The following CELF4 variants were observed in gnomAD, a reference collection of about 807,000 sequenced individuals.
The protein encoded by CELF4 is CUG-BP- and ETR-3-like factor 4.
In CELF4, 18 loss-of-function variants were observed where a neutral mutation model predicts 59.9. The observed-to-expected ratio is 0.30, with a 90% CI of 0.21 to 0.45. The LOEUF is 0.45. Ranked by LOEUF, CELF4 falls within the 20% of genes least tolerant of loss-of-function variation. CELF4 has a pLI of 1.00. For missense variants in CELF4, 456 were observed against 689.0 expected, an observed-to-expected ratio of 0.66 and a Z score of 3.79; for synonymous variants, 261 against 267.1, an observed-to-expected ratio of 0.98 and a Z score of 0.22.
At chr18:37,264,253 T>A (rs1291404767) in intron 10 of CELF4, among the ~76,000 whole-genome samples, 1 of 152,212 alleles carries the variant, frequency 6.6e-6, no homozygotes, top group Middle Eastern at 3.2e-3. Context: ...TGCTAGGTTC[T>A]GCTTAAGGGA....
At chr18:37,283,396 G>A (rs569709361) in intron 3 of CELF4, among the ~76,000 whole-genome samples, 4 of 152,160 alleles carry the variant, frequency 2.6e-5, no homozygotes, top group Admixed American at 6.5e-5. Context: ...AACAAGCCAA[G>A]TCTGGTAATA....
At chr18:37,403,948 G>A (rs1163619673) in intron 2 of CELF4, among the ~76,000 whole-genome samples, 1 of 152,166 alleles carries the variant, frequency 6.6e-6, no homozygotes, top group Non-Finnish European at 1.5e-5. Flanking sequence ...CAGTGCCCAT[G>A]GCTGGCTTTG....
intron 1 of CELF4, among the ~76,000 whole-genome samples, chr18:37,543,563 G>T (rs917572708): frequency 3.9e-5 from 6 of 152,182 alleles, no homozygotes; most frequent in Non-Finnish European, 8.8e-5. Context: ...GCCCAGCACT[G>T]GGCACAGTGT....
intron 3 of CELF4, among the ~76,000 whole-genome samples, chr18:37,299,825 C>T (rs899952670): frequency 2.0e-5 from 3 of 152,168 alleles, no homozygotes; most frequent in Middle Eastern, 3.2e-3. Flanking sequence ...TTCCCTTCCC[C>T]CTCCAGGGTC....
At chr18:37,364,616 T>C (rs1457700279) in intron 2 of CELF4, among the ~76,000 whole-genome samples, 3 of 152,228 alleles carry the variant, frequency 2.0e-5, no homozygotes, top group African/African-American at 7.2e-5. Flanking sequence ...CAGTGCATAC[T>C]ATCCACCAGG....
chr18:37,451,443 T>A (rs538306525), intron 2 of CELF4, among the ~76,000 whole-genome samples: 1 of 152,342 alleles, frequency 6.6e-6, no homozygotes, highest in South Asian at 2.1e-4. Context: ...TGTGTGCATG[T>A]GCATGTGCAG....
At chr18:37,473,020 A>T (rs1291178636) in intron 2 of CELF4, among the ~76,000 whole-genome samples, 1 of 152,060 alleles carries the variant, frequency 6.6e-6, no homozygotes, top group Non-Finnish European at 1.5e-5. Context: ...CTGCTTGAAC[A>T]TGTCTGTGAC....
Position 37,485,519 on chromosome 18 carries a change from A to C in CELF4, c.369+6T>G. 5 of 1,311,360 alleles carry C rather than the reference A, an allele frequency of 3.8e-6. No homozygotes were observed. Among genetic ancestry groups the C allele is most frequent in the Non-Finnish European group, 2.0e-6 (2 of 1,018,334 alleles). 81.2% of individuals were successfully genotyped at this position (1,311,360 alleles called of 1,614,324 possible). ...GGCCGCTTGCGCCACGGCGGGCGCCACTTACCCCGGGCAGAGTCTTCTGCT... is the reference window on the plus strand; with the variant it reads ...GGCCGCTTGCGCCACGGCGGGCGCCCCTTACCCCGGGCAGAGTCTTCTGCT... On this transcript the variant is annotated splice_donor_region_variant and intron_variant, in intron 2 of 12. Coordinates refer to ENST00000420428, the MANE Select transcript of CELF4 (RefSeq NM_020180.4).
At chr18:37,446,837 G>T (rs932292823) in intron 2 of CELF4, among the ~76,000 whole-genome samples, 6 of 152,078 alleles carry the variant, frequency 3.9e-5, no homozygotes, top group Admixed American at 3.3e-4. Context: ...GCACAATTAA[G>T]TCAGTACCAC....
intron 2 of CELF4, among the ~76,000 whole-genome samples, chr18:37,452,949 C>A (rs2099768142): frequency 6.6e-6 from 1 of 152,174 alleles, no homozygotes; most frequent in African/African-American, 2.4e-5. Context: ...CTCACTGCTC[C>A]ATGCAAAAGT....
chr18:37,533,434 G>A (rs1171772603), intron 1 of CELF4, among the ~76,000 whole-genome samples: 2 of 152,168 alleles, frequency 1.3e-5, no homozygotes, highest in African/African-American at 2.4e-5. Flanking sequence ...TACAGCAGGG[G>A]GGTGATTTGA....
At chr18:37,555,934 GTGTA>G (rs1419946585) in intron 1 of CELF4, among the ~76,000 whole-genome samples, 1 of 152,152 alleles carries the variant, frequency 6.6e-6, no homozygotes, top group African/African-American at 2.4e-5. Flanking sequence ...GCGTGTTCAC[GTGTA>G]TGTAAGTGTG....
chr18:37,359,179 G>A (rs1028739270), intron 2 of CELF4, among the ~76,000 whole-genome samples: 1 of 152,174 alleles, frequency 6.6e-6, no homozygotes, highest in Non-Finnish European at 1.5e-5. Flanking sequence ...CGACAAGGGA[G>A]CCTGGCAAAG....
At chr18:37,314,942 A>G (rs1273007382) in intron 3 of CELF4, among the ~76,000 whole-genome samples, 2 of 152,114 alleles carry the variant, frequency 1.3e-5, no homozygotes, top group Non-Finnish European at 2.9e-5. Context: ...CTCACTTGCC[A>G]CAGCCAGAAG....
At chr18:37,518,369 G>A (rs369486344) in intron 1 of CELF4, among the ~76,000 whole-genome samples, 40 of 152,302 alleles carry the variant, frequency 2.6e-4, no homozygotes, top group African/African-American at 7.0e-4. Flanking sequence ...GCTTTATAGC[G>A]TGATTATGAC....
At chr18:37,505,391 C>T (rs1461327308) in intron 1 of CELF4, among the ~76,000 whole-genome samples, 1 of 152,212 alleles carries the variant, frequency 6.6e-6, no homozygotes. Flanking sequence ...AACCCTTCAG[C>T]AGAGCTAAGC....
chr18:37,294,809 T>G (rs6507196), intron 3 of CELF4, among the ~76,000 whole-genome samples: 72,953 of 152,024 alleles, frequency 0.48, 17,921 homozygotes, highest in South Asian at 0.62. Flanking sequence ...ACCTAATTTA[T>G]GGGGCCAGAT....
At chr18:37,408,129 T>C (rs2099402805) in intron 2 of CELF4, among the ~76,000 whole-genome samples, 1 of 152,164 alleles carries the variant, frequency 6.6e-6, no homozygotes, top group Non-Finnish European at 1.5e-5. Context: ...TGTCTACCTT[T>C]CCTCTTTCCC....
chr18:37,369,273 GCT>G (rs1287481510), intron 2 of CELF4, among the ~76,000 whole-genome samples: 1 of 152,108 alleles, frequency 6.6e-6, no homozygotes, highest in Admixed American at 6.5e-5. Context: ...GGGAGGCTGG[GCT>G]CTCTCTCAGG....
Sources: gnomAD v4.1 joint callset for allele counts (sites outside exome capture counted in the v4.1 genomes callset) on GRCh38, gnomAD v4.1.1 for gene constraint, MANE v1.5 for transcripts, NCBI Gene and HGNC (gene_info 2026-07-23, HGNC 2026-07-21) for gene names.